The following ZNF500 variants were observed in gnomAD, a reference collection of about 807,000 sequenced individuals.
The protein encoded by ZNF500 is zinc finger protein with KRAB and SCAN domains 18.
A neutral mutation model predicts 30.1 loss-of-function variants in ZNF500; 31 were observed. The observed-to-expected ratio is 1.03, with a 90% CI of 0.77 to 1.39. The LOEUF is 1.39. Among genes scored for constraint, ZNF500 ranks in the 40% most tolerant of loss-of-function variants. The pLI is 0.00. For missense variants in ZNF500, 817 were observed against 657.8 expected, an observed-to-expected ratio of 1.24 and a Z score of -2.65; for synonymous variants, 392 against 282.0, an observed-to-expected ratio of 1.39 and a Z score of -3.91.
At chr16:4,746,726 G>T, downstream of ZNF500, 2 of 773,568 alleles carry the variant, frequency 2.6e-6, no homozygotes, top group East Asian at 2.8e-5. Flanking sequence ...TGGGCTCTAT[G>T]CAATAGAGCC....
chr16:4,765,975 C>T lies in ZNF500; in HGVS notation c.4G>A (p.Ala2Thr), dbSNP rs375608280. The change falls in exon 2 of 6, where the codon GCC becomes ACC. Residue 2 changes from alanine (A) to threonine (T), a missense_variant. By Grantham distance (58) the Ala-to-Thr change is moderately conservative (BLOSUM62 0). Transcript: ENST00000219478. ...AGGGGCTGGAGGCCAGGGACAGTGGCCATTGCTTCCGGTGGGCCTTGTTCC... is the reference window on the plus strand; with the variant it reads ...AGGGGCTGGAGGCCAGGGACAGTGGTCATTGCTTCCGGTGGGCCTTGTTCC... M[A>T]TVPGLQPLPT... 54 of 1,553,374 alleles carry T rather than the reference C, an allele frequency of 3.5e-5. No homozygotes were observed. Among genetic ancestry groups the T allele is most frequent in the Non-Finnish European group, 4.5e-5 (52 of 1,153,720 alleles).
At chr16:4,755,906 G>A (rs551612149) in intron 5 of ZNF500, among the ~76,000 whole-genome samples, 11 of 152,254 alleles carry the variant, frequency 7.2e-5, no homozygotes, top group East Asian at 1.9e-4. Flanking sequence ...GCTATACCAC[G>A]GATGACCCAG....
chr16:4,744,946 T>C (rs147930535), downstream of ZNF500: 1,906 of 1,613,964 alleles, frequency 1.2e-3, 7 homozygotes, highest in Middle Eastern at 0.024. Context: ...CCAAGGCCTC[T>C]GCTTGTGCCC....
intron 3 of ZNF500, 57 bp downstream of exon 3, chr16:4,762,516 C>A (rs1596505007): frequency 1.9e-6 from 3 of 1,557,292 alleles, no homozygotes; most frequent in African/African-American, 1.3e-5. Flanking sequence ...ACACCCCAGT[C>A]ACCTTCACCT....
chr16:4,746,663 CCCCTGGGT>C, downstream of ZNF500: 1 of 1,120,766 alleles, frequency 8.9e-7, no homozygotes, highest in Non-Finnish European at 1.2e-6. Context: ...GCCTACAGTC[CCCCTGGGT>C]CCCTGCAGGG....
chr16:4,744,727 T>TA, downstream of ZNF500: 1 of 1,033,564 alleles, frequency 9.7e-7, no homozygotes, highest in Non-Finnish European at 1.4e-6. Context: ...GAGGGCTGAG[T>TA]AGGGAGAGGG....
downstream of ZNF500, chr16:4,747,649 G>A (rs745856757): frequency 3.8e-6 from 6 of 1,586,772 alleles, no homozygotes; most frequent in East Asian, 1.1e-4. Flanking sequence ...TGGGATCCCA[G>A]GAGTGGGCAG....
chr16:4,760,615 T>C (rs1353446042), intron 4 of ZNF500, 27 bp from the exon 5 acceptor site: 2 of 1,604,066 alleles, frequency 1.2e-6, no homozygotes, highest in African/African-American at 1.3e-5. Context: ...CACTCAGTCC[T>C]GGCCCCAAGC....
chr16:4,754,687 A>G (rs969559456), intron 5 of ZNF500, among the ~76,000 whole-genome samples: 2 of 151,326 alleles, frequency 1.3e-5, no homozygotes, highest in Admixed American at 6.6e-5. Context: ...AAAAAAAAAT[A>G]GAAAATAAAT....
intron 1 of ZNF500, among the ~76,000 whole-genome samples, chr16:4,766,480 C>G (rs931258449): frequency 2.0e-5 from 3 of 152,090 alleles, no homozygotes; most frequent in Non-Finnish European, 4.4e-5. Flanking sequence ...ATTAGCCCGA[C>G]ATGGTGGTAG....
At chr16:4,759,720 C>G (rs1224799373) in intron 5 of ZNF500, among the ~76,000 whole-genome samples, 1 of 151,980 alleles carries the variant, frequency 6.6e-6, no homozygotes, top group African/African-American at 2.4e-5. Context: ...TAATACAAAG[C>G]GATATCTCAC....
chr16:4,758,461 G>A (rs1163259864), intron 5 of ZNF500: 1 of 152,162 alleles, frequency 6.6e-6, no homozygotes, highest in African/African-American at 2.4e-5. Flanking sequence ...TTTTGCACAG[G>A]GAATGAACTG....
intron 2 of ZNF500, 54 bp downstream of exon 2, chr16:4,765,511 C>T (rs1352176747): frequency 2.0e-6 from 3 of 1,533,388 alleles, no homozygotes; most frequent in South Asian, 1.3e-5. Context: ...CAGCTGCAGA[C>T]CCCAGCAGCA....
At position 4,751,048 on chromosome 16, in the gene ZNF500, A is replaced by G. The variant is rs2082072119; in HGVS notation, c.*1328T>C. ...ACGTATATACAGTGACTAGGTGACA[A>G]ATGCAATGGAGCATCCCAGGCTGGG... On this transcript the variant is annotated 3_prime_UTR_variant, in exon 6 of 6. Coordinates refer to ENST00000219478, the MANE Select transcript of ZNF500 (RefSeq NM_021646.4). 1 of 154,494 alleles carries G rather than the reference A, an allele frequency of 6.5e-6. No homozygotes were observed. The highest frequency in any genetic ancestry group is 2.4e-5 in the African/African-American group (1 of 41,454). 9.6% of individuals were successfully genotyped at this position (154,494 alleles called of 1,614,324 possible). A position where few individuals can be genotyped will look rare whatever the true frequency, so the allele number is the denominator to read the frequency against.
In ZNF500 at chr16:4,765,832, G is replaced by C. The variant is rs746487557; in HGVS notation, c.147C>G (p.Phe49Leu). 8 of 1,613,722 alleles carry C rather than the reference G, an allele frequency of 5.0e-6. No individual in the cohort carries two copies. The South Asian group carries it at 8.8e-5, about 18-fold the overall frequency. ...AGCAGAAGAGCCGGAAGAGCTGGCG[G>C]AAAGTCTCAGGGCTGGGGTCCTCCG... ...VETEDPSPET[F>L]RQLFRLFCYQ... is the part of the protein sequence containing the mutation. Residue 49 changes from phenylalanine (F) to leucine (L), a missense_variant, in exon 2 of 6, where the codon TTC becomes TTG. Phe to Leu is a conservative substitution (Grantham distance 22). Coordinates refer to ENST00000219478, the MANE Select transcript of ZNF500 (RefSeq NM_021646.4).
downstream of ZNF500, chr16:4,747,706 T>C (rs1376844242): frequency 4.1e-6 from 6 of 1,460,664 alleles, no homozygotes; most frequent in African/African-American, 1.4e-5. Flanking sequence ...GTCCCCTTGT[T>C]GTTCCTGCAT....
In ZNF500 at chr16:4,760,732, G is replaced by A. The variant is rs1413120395; in HGVS notation, c.664-144C>T. 5 of 668,948 alleles carry A rather than the reference G, an allele frequency of 7.5e-6. 1 individual carries two copies. Among genetic ancestry groups the A allele is most frequent in the South Asian group, 3.9e-5 (2 of 51,486 alleles). 41.4% of individuals were successfully genotyped at this position (668,948 alleles called of 1,614,324 possible). On this transcript the variant is annotated intron_variant, in intron 4 of 5. Coordinates refer to ENST00000219478, the MANE Select transcript of ZNF500 (RefSeq NM_021646.4). The stretch of plus-strand genomic sequence containing the variant: ...GGTGCAGCTGGTCTTCTCCACTCTC[G>A]TTGCAGTGGTGAGTCCTGGTGTCTC...
Position 4,751,432 on chromosome 16 carries a change from A to T in ZNF500, c.*944T>A. Reference sequence around the variant, plus strand: ...ACATCCCAGGCAACATGTCAGGAAGATGGAACTCAGGGGTGCTTTCCCGCC... The same window carrying T: ...ACATCCCAGGCAACATGTCAGGAAGTTGGAACTCAGGGGTGCTTTCCCGCC... On this transcript the variant is annotated 3_prime_UTR_variant, in exon 6 of 6. Coordinates refer to ENST00000219478, the MANE Select transcript of ZNF500 (RefSeq NM_021646.4). 1.4e-6 allele frequency: 1 copy of T among 733,022 alleles called. No individual in the cohort carries two copies. Among genetic ancestry groups the T allele is most frequent in the Non-Finnish European group, 2.2e-6 (1 of 464,898 alleles). 45.4% of individuals were successfully genotyped at this position (733,022 alleles called of 1,614,324 possible).
chr16:4,744,678 G>A (rs2081990574), downstream of ZNF500, among the ~76,000 whole-genome samples: 1 of 152,118 alleles, frequency 6.6e-6, no homozygotes, highest in Non-Finnish European at 1.5e-5. Flanking sequence ...TAAAGATTCT[G>A]CCCCCCTCAG....
Sources: allele counts gnomAD v4.1 joint callset (sites outside exome capture counted in the v4.1 genomes callset), GRCh38; gene constraint gnomAD v4.1.1; transcripts MANE v1.5; gene names NCBI Gene and HGNC (gene_info 2026-07-23, HGNC 2026-07-21).